APPBP2: variants seen among roughly 807,000 people sequenced by gnomAD.
APPBP2 encodes the protein amyloid beta precursor protein binding protein 2.
APPBP2 carries 15 observed loss-of-function variants against 76.0 expected under a neutral mutation model. The observed-to-expected ratio is 0.20, with a 90% CI of 0.13 to 0.30. APPBP2 has a LOEUF of 0.30. APPBP2 is among the 10% of genes least tolerant of loss of function. The pLI is 1.00. For synonymous variants in APPBP2, 222 were observed against 242.2 expected, an observed-to-expected ratio of 0.92 and a Z score of 0.77; for missense variants, 401 against 687.2, an observed-to-expected ratio of 0.58 and a Z score of 4.66.
rs568036242 is a variant in APPBP2 at position 60,476,717 on chromosome 17, A to C, written c.503+2431T>G. 3.3e-5 allele frequency among the ~76,000 whole-genome samples: 5 copies of C among 152,306 alleles called. No homozygotes were observed. The South Asian group carries it at 1.0e-3, about 32-fold the overall frequency. On this transcript the variant is annotated intron_variant, in intron 4 of 12. Coordinates refer to ENST00000083182, the MANE Select transcript of APPBP2 (RefSeq NM_006380.5). ...AGTTTCACATGTGCTTGCTAAAAAG[A>C]CAGCTAGTTCTGAATTGTTAATTAT...
chr17:60,498,406 T>C (rs2090794021), intron 2 of APPBP2, among the ~76,000 whole-genome samples: 1 of 152,138 alleles, frequency 6.6e-6, no homozygotes, highest in Admixed American at 6.5e-5. Context: ...TTGTCTTAAA[T>C]TGCTTTCAAA....
chr17:60,504,358 T>C (rs1241221623), intron 1 of APPBP2, among the ~76,000 whole-genome samples: 1 of 151,952 alleles, frequency 6.6e-6, no homozygotes, highest in Non-Finnish European at 1.5e-5. Context: ...AAATGCAAAG[T>C]TCAAAAACAG....
At chr17:60,466,856 A>C (rs572898446) in intron 4 of APPBP2, among the ~76,000 whole-genome samples, 1 of 152,358 alleles carries the variant, frequency 6.6e-6, no homozygotes, top group South Asian at 2.1e-4. Flanking sequence ...TTTTTGGTAT[A>C]GTCTAACACT....
intron 3 of APPBP2, among the ~76,000 whole-genome samples, chr17:60,490,346 C>T (rs1273177945): frequency 6.6e-6 from 1 of 152,112 alleles, no homozygotes; most frequent in Non-Finnish European, 1.5e-5. Context: ...TACTCTTTTG[C>T]AACTTCCTAT....
At chr17:60,496,372 A>G (rs2143441031) in intron 2 of APPBP2, 1 of 152,334 alleles carries the variant, frequency 6.6e-6, no homozygotes, top group Admixed American at 6.5e-5. Context: ...AAAAAGGTCA[A>G]ATTACATGCT....
intron 3 of APPBP2, among the ~76,000 whole-genome samples, chr17:60,491,646 T>C (rs1384177262): frequency 2.0e-5 from 3 of 151,692 alleles, no homozygotes; most frequent in Admixed American, 1.3e-4. Context: ...GGTTTCACCA[T>C]GTTGGCCAGG....
intron 3 of APPBP2, among the ~76,000 whole-genome samples, chr17:60,489,565 C>A (rs1444085778): frequency 6.9e-6 from 1 of 145,044 alleles, no homozygotes; most frequent in Non-Finnish European, 1.5e-5. Context: ...GAGCTGAGAT[C>A]GTGCCACTGC....
intron 1 of APPBP2, among the ~76,000 whole-genome samples, chr17:60,509,393 CAT>C (rs751314784): frequency 6.5e-4 from 97 of 150,150 alleles, no homozygotes; most frequent in Non-Finnish European, 8.2e-4. Context: ...AAAAAAAAAA[CAT>C]GTTTGAAACA....
At chr17:60,476,440 T>C (rs1317480890) in intron 4 of APPBP2, among the ~76,000 whole-genome samples, 3 of 152,146 alleles carry the variant, frequency 2.0e-5, no homozygotes, top group Non-Finnish European at 2.9e-5. Flanking sequence ...CAAATTTCTC[T>C]CTGCCTTAAA....
chr17:60,456,010 T>G (rs2090428412), intron 10 of APPBP2, among the ~76,000 whole-genome samples: 1 of 152,198 alleles, frequency 6.6e-6, no homozygotes, highest in African/African-American at 2.4e-5. Flanking sequence ...ACTTCTGACC[T>G]CAGGTGATCT....
chr17:60,498,034 G>A (rs1238959013), intron 2 of APPBP2, among the ~76,000 whole-genome samples: 1 of 151,974 alleles, frequency 6.6e-6, no homozygotes, highest in Non-Finnish European at 1.5e-5. Context: ...CAGCTACTTG[G>A]GAGTATCACC....
chr17:60,519,269 T>A (rs750816238), intron 1 of APPBP2, among the ~76,000 whole-genome samples: 2 of 127,608 alleles, frequency 1.6e-5, no homozygotes, highest in Non-Finnish European at 3.0e-5. Context: ...GGCCACTTAT[T>A]TTTATAGTGT....
intron 2 of APPBP2, among the ~76,000 whole-genome samples, chr17:60,495,627 C>T (rs1438745181): frequency 6.6e-6 from 1 of 151,988 alleles, no homozygotes; most frequent in African/African-American, 2.4e-5. Context: ...CCTGTCACTG[C>T]ACCCTGCTAT....
chr17:60,524,465 GC>G (rs752308368), intron 1 of APPBP2, among the ~76,000 whole-genome samples: 9 of 152,080 alleles, frequency 5.9e-5, no homozygotes, highest in Non-Finnish European at 1.3e-4. Context: ...AAAAAAGGGA[GC>G]TTTTTCTCGA....
rs542919297 is a variant in APPBP2, at chr17:60,485,123, G to T, written c.380-5852C>A. Among the ~76,000 whole-genome samples the T allele has an allele frequency of 1.2e-4, 19 of 152,214 alleles. No individual in the cohort carries two copies. In the Middle Eastern group the frequency reaches 0.01, roughly 82 times the overall value. On this transcript the variant is annotated intron_variant, in intron 3 of 12. Coordinates refer to ENST00000083182, the MANE Select transcript of APPBP2 (RefSeq NM_006380.5). ...TTCAGTTTGCCGGTATTTTATTGAG[G>T]ATTTTCGCATCGATGTTCATCAGGG...
chr17:60,456,257 T>C (rs529500502), intron 10 of APPBP2, 39 bp downstream of exon 10: 4 of 1,307,618 alleles, frequency 3.1e-6, no homozygotes, highest in Non-Finnish European at 4.4e-6. Context: ...CCATATATCA[T>C]CTATTTTAAA....
At chr17:60,463,937 A>T (rs1364763195) in intron 6 of APPBP2, 84 bp downstream of exon 6, 1 of 968,168 alleles carries the variant, frequency 1.0e-6, no homozygotes, top group East Asian at 2.7e-5. Flanking sequence ...AAATAACTAA[A>T]ATGTTAAATA....
At chr17:60,497,238 C>T (rs1377019874) in intron 2 of APPBP2, among the ~76,000 whole-genome samples, 1 of 152,002 alleles carries the variant, frequency 6.6e-6, no homozygotes, top group African/African-American at 2.4e-5. Context: ...GTAAAAGAAG[C>T]CAGCCAAGGA....
intron 1 of APPBP2, among the ~76,000 whole-genome samples, chr17:60,518,295 C>A (rs1329254291): frequency 6.6e-6 from 1 of 151,740 alleles, no homozygotes; most frequent in Non-Finnish European, 1.5e-5. Flanking sequence ...AATCTGCCTG[C>A]CTCGGCCTCT....
Sources: allele counts gnomAD v4.1 joint callset (sites outside exome capture counted in the v4.1 genomes callset), GRCh38; gene constraint gnomAD v4.1.1; transcripts MANE v1.5; gene names NCBI Gene and HGNC (gene_info 2026-07-23, HGNC 2026-07-21).